The following SUPT3H variants were observed in gnomAD, a reference collection of about 807,000 sequenced individuals.
SUPT3H encodes SPT3 homolog, SAGA and STAGA complex component.
A neutral mutation model predicts 44.3 loss-of-function variants in SUPT3H; 44 were observed. That is an observed-to-expected ratio of 0.99 (90% confidence interval 0.78 to 1.28). SUPT3H has a LOEUF of 1.28. SUPT3H is among the 50% of genes most tolerant of loss of function. The pLI, the probability that SUPT3H is intolerant of heterozygous loss-of-function variation, is 0.00. For missense variants in SUPT3H, 380 were observed against 387.1 expected (o/e 0.98, Z 0.15); for synonymous variants, 124 against 125.6 (o/e 0.99, Z 0.09).
At position 44,902,254 on chromosome 6, in the gene SUPT3H, T is replaced by C. The variant is rs1419222068; in HGVS notation, c.912+30399A>G. 3.3e-5 allele frequency among the ~76,000 whole-genome samples: 5 copies of C among 152,102 alleles called. 1 individual carries two copies. In the South Asian group the frequency reaches 1.0e-3, roughly 32 times the overall value. ...AAATTGGATAAAGAGTCATGATCCA[T>C]CAGTGTGCTGTATTTAGGAAACCCA... On this transcript the variant is annotated intron_variant, in intron 10 of 10. Coordinates refer to ENST00000371459, the MANE Select transcript of SUPT3H (RefSeq NM_003599.4).
At chr6:44,993,385 T>C (rs1379146977) in intron 6 of SUPT3H, among the ~76,000 whole-genome samples, 1 of 151,948 alleles carries the variant, frequency 6.6e-6, no homozygotes, top group Non-Finnish European at 1.5e-5. Flanking sequence ...AGAGTTAGGT[T>C]AGAGTTCCAT....
intron 2 of SUPT3H, chr6:45,322,857 C>A: frequency 6.3e-7 from 1 of 1,589,370 alleles, no homozygotes; most frequent in Non-Finnish European, 8.6e-7. Flanking sequence ...AAAGCAGTGG[C>A]ACTGGAGAGC....
At chr6:45,182,490 G>T (rs1813453594) in intron 2 of SUPT3H, among the ~76,000 whole-genome samples, 1 of 152,174 alleles carries the variant, frequency 6.6e-6, no homozygotes, top group African/African-American at 2.4e-5. Flanking sequence ...ACAATCTTCT[G>T]ACCTCAGGTG....
chr6:45,344,544 T>C (rs1790463145), intron 2 of SUPT3H, among the ~76,000 whole-genome samples: 1 of 152,092 alleles, frequency 6.6e-6, no homozygotes, highest in Non-Finnish European at 1.5e-5. Context: ...AGTAACATTA[T>C]CAATTAAGTA....
intron 2 of SUPT3H, among the ~76,000 whole-genome samples, chr6:45,273,745 G>C (rs1776581815): frequency 6.6e-6 from 1 of 151,910 alleles, no homozygotes; most frequent in Admixed American, 6.6e-5. Flanking sequence ...TTTATTTTTT[G>C]ACTATTAGAA....
At chr6:45,175,240 G>C (rs912046712) in intron 2 of SUPT3H, among the ~76,000 whole-genome samples, 1 of 151,940 alleles carries the variant, frequency 6.6e-6, no homozygotes, top group East Asian at 1.9e-4. Flanking sequence ...GTATTAGTCC[G>C]TTCTCACACT....
At chr6:44,859,442 T>G (rs901978156) in intron 10 of SUPT3H, among the ~76,000 whole-genome samples, 1 of 152,196 alleles carries the variant, frequency 6.6e-6, no homozygotes, top group African/African-American at 2.4e-5. Context: ...TTCCCCTTCA[T>G]AGCAAGTTTT....
intron 2 of SUPT3H, among the ~76,000 whole-genome samples, chr6:45,167,307 T>A (rs754869397): frequency 6.6e-6 from 1 of 152,180 alleles, no homozygotes; most frequent in Non-Finnish European, 1.5e-5. Flanking sequence ...TATACCAAAG[T>A]CTGATGGTCT....
intron 2 of SUPT3H, among the ~76,000 whole-genome samples, chr6:45,363,280 T>C (rs1218142525): frequency 6.6e-6 from 1 of 152,202 alleles, no homozygotes; most frequent in Non-Finnish European, 1.5e-5. Flanking sequence ...ATTTGTTGAC[T>C]TCTGCTATAG....
intron 2 of SUPT3H, among the ~76,000 whole-genome samples, chr6:45,304,112 T>C (rs114187838): frequency 0.018 from 2,666 of 152,270 alleles, 50 homozygotes; most frequent in South Asian, 0.085. Flanking sequence ...CAGATCAGGA[T>C]CAGTAAGAGT....
rs547471224 is a variant in SUPT3H at position 45,358,813 on chromosome 6, A to C, written c.101+6388T>G. On this transcript the variant is annotated intron_variant, in intron 2 of 10. Transcript: ENST00000371459. The stretch of plus-strand genomic sequence containing the variant: ...TTCAGGAACATGGTGAAACGTATGA[A>C]TATTCACTCTAAAAATAAAAAAAGA... 6.6e-5 allele frequency among the ~76,000 whole-genome samples: 10 copies of C among 152,300 alleles called. No individual in the cohort carries two copies. In the South Asian group the frequency reaches 1.7e-3, roughly 25 times the overall value.
At chr6:45,341,288 A>C (rs944023031) in intron 2 of SUPT3H, among the ~76,000 whole-genome samples, 2 of 152,198 alleles carry the variant, frequency 1.3e-5, no homozygotes, top group African/African-American at 4.8e-5. Flanking sequence ...GCTGATTAGA[A>C]ACCATAGGTT....
chr6:44,996,201 C>T (rs537118123), intron 6 of SUPT3H, among the ~76,000 whole-genome samples: 6 of 151,850 alleles, frequency 4.0e-5, no homozygotes, highest in Non-Finnish European at 4.4e-5. Flanking sequence ...ATCTACATTT[C>T]CACAGTTAAT....
At chr6:45,037,882 G>A (rs1273345858) in intron 3 of SUPT3H, among the ~76,000 whole-genome samples, 2 of 149,650 alleles carry the variant, frequency 1.3e-5, no homozygotes, top group South Asian at 2.1e-4. Flanking sequence ...ATAACTTTCT[G>A]TATTTTTCAA....
intron 3 of SUPT3H, among the ~76,000 whole-genome samples, chr6:45,088,825 G>C (rs549061478): frequency 6.6e-6 from 1 of 152,004 alleles, no homozygotes; most frequent in African/African-American, 2.4e-5. Flanking sequence ...AGATTTGATT[G>C]TTATATGATT....
chr6:45,061,505 A>G (rs572850333), intron 3 of SUPT3H, among the ~76,000 whole-genome samples: 108 of 152,286 alleles, frequency 7.1e-4, no homozygotes, highest in African/African-American at 2.5e-3. Context: ...CTTAATACCT[A>G]GCTGATGGGT....
chr6:45,056,578 T>C (rs1212253531), intron 3 of SUPT3H, among the ~76,000 whole-genome samples: 1 of 152,198 alleles, frequency 6.6e-6, no homozygotes, highest in Non-Finnish European at 1.5e-5. Flanking sequence ...GAGACCATTA[T>C]TCTATGTGAA....
In SUPT3H at chr6:45,120,387, C is replaced by A. The variant is rs1348704407; in HGVS notation, c.102-14381G>T. On this transcript the variant is annotated intron_variant, in intron 2 of 10. Coordinates refer to ENST00000371459, the MANE Select transcript of SUPT3H (RefSeq NM_003599.4). ...GTCACTTGAGCACAAGAGTTTAAAT[C>A]CAGTCTGGGTAACAGTGTGAGACCT... is the stretch of plus-strand genomic sequence containing the variant. 4.1e-5 allele frequency among the ~76,000 whole-genome samples: 5 copies of A among 120,794 alleles called. No individual in the cohort carries two copies. The East Asian group carries it at 9.5e-4, about 23-fold the overall frequency. The allele number at this position is 120,794 out of a possible 152,430, so 79.2% of individuals were successfully genotyped here.
intron 2 of SUPT3H, among the ~76,000 whole-genome samples, chr6:45,290,455 T>TTTAA (rs67882992): frequency 1.2e-5 from 1 of 85,968 alleles, no homozygotes; most frequent in East Asian, 4.5e-4. Flanking sequence ...GCATGGATGA[T>TTTAA]CAAAAAAAAA....
Sources: allele counts gnomAD v4.1 joint callset (sites outside exome capture counted in the v4.1 genomes callset), GRCh38; gene constraint gnomAD v4.1.1; transcripts MANE v1.5; gene names NCBI Gene and HGNC (gene_info 2026-07-23, HGNC 2026-07-21).